The following PHGDH variants were observed in gnomAD, a reference collection of about 807,000 sequenced individuals.
The protein encoded by PHGDH is phosphoglycerate dehydrogenase.
In PHGDH, 50 loss-of-function variants were observed where a neutral mutation model predicts 52.6. The ratio of observed to expected loss-of-function variants is 0.95; its 90% CI spans 0.76 to 1.20. The LOEUF is 1.20. Ranked by LOEUF, PHGDH falls within the 50% of genes most tolerant of loss-of-function variation. PHGDH has a pLI of 0.00. For missense variants in PHGDH, 630 were observed against 684.6 expected (o/e 0.92, Z 0.89); for synonymous variants, 271 against 280.5 (o/e 0.97, Z 0.34).
rs772910115 is a variant in PHGDH at position 119,734,783 on chromosome 1, A to C, written c.643+17A>C. ...CCACGACAGGTAGGTGTGTCCTTACATTGTGGATTGGTCACAGAAGCCACA... is the reference window on the plus strand; with the variant it reads ...CCACGACAGGTAGGTGTGTCCTTACCTTGTGGATTGGTCACAGAAGCCACA... On this transcript the variant is annotated intron_variant, in intron 6 of 11. Coordinates refer to ENST00000641023, the MANE Select transcript of PHGDH (RefSeq NM_006623.4). The C allele has an allele frequency of 2.4e-5, 38 of 1,613,668 alleles. No individual in the cohort carries two copies. In the African/African-American group the frequency reaches 4.5e-4, roughly 19 times the overall value.
intron 6 of PHGDH, 127 bp from the exon 7 acceptor site, chr1:119,735,168 T>G (rs1557977247): frequency 8.0e-7 from 1 of 1,245,186 alleles, no homozygotes. Context: ...GCAAAGAGGC[T>G]GCCGTCCAGC....
At position 119,721,154 on chromosome 1, in the gene PHGDH, G is replaced by A; in HGVS notation, c.139-16G>A. The A allele has an allele frequency of 1.9e-6, 3 of 1,613,950 alleles. No individual in the cohort carries two copies. Among genetic ancestry groups the A allele is most frequent in the Non-Finnish European group, 2.5e-6 (3 of 1,179,806 alleles). On this transcript the variant is annotated splice_polypyrimidine_tract_variant and intron_variant, in intron 1 of 11. Transcript: ENST00000641023. Reference sequence around the variant, plus strand: ...ACAGAATGACTTTCTGGACCCAAATGTTTTTTCTGCTTCAGGACTGTGAAG... The same window carrying A: ...ACAGAATGACTTTCTGGACCCAAATATTTTTTCTGCTTCAGGACTGTGAAG...
intron 1 of PHGDH, among the ~76,000 whole-genome samples, chr1:119,714,777 G>T (rs1363001539): frequency 5.9e-5 from 9 of 152,160 alleles, no homozygotes; most frequent in Admixed American, 6.5e-5. Context: ...GGGGTGGAGG[G>T]CTGAGGCCCT....
chr1:119,734,861 C>A, intron 6 of PHGDH, 95 bp downstream of exon 6: 1 of 1,385,160 alleles, frequency 7.2e-7, no homozygotes, highest in Non-Finnish European at 1.0e-6. Flanking sequence ...CAGTGGTAAC[C>A]AGCTGTGGGG....
chr1:119,712,035 A>G lies in PHGDH; in HGVS notation c.13A>G (p.Asn5Asp), dbSNP rs745781701. Residue 5 changes from asparagine (N) to aspartate (D), a missense_variant, in exon 1 of 12, where the codon AAT becomes GAT. Transcript: ENST00000641023. MAFA[N>D]LRKVLISDSL... Reference sequence around the variant, plus strand: ...GCCAACTCCAGCAATGGCTTTTGCAAATCTGCGGAAAGTGCTCATCAGTGA... The same window carrying G: ...GCCAACTCCAGCAATGGCTTTTGCAGATCTGCGGAAAGTGCTCATCAGTGA... 3.1e-6 allele frequency: 5 copies of G among 1,614,176 alleles called. No individual in the cohort carries two copies. The highest frequency in any genetic ancestry group is 2.5e-6 in the Non-Finnish European group (3 of 1,180,030).
rs1342931945 is a variant in PHGDH at position 119,724,889 on chromosome 1, A to G, written c.356+1448A>G. Reference sequence around the variant, plus strand: ...CACTCATCAAAGGTGCATCAAAACTAGGAAACACGCACACCCTATTGGGAA... The same window carrying G: ...CACTCATCAAAGGTGCATCAAAACTGGGAAACACGCACACCCTATTGGGAA... On this transcript the variant is annotated intron_variant, in intron 3 of 11. Transcript: ENST00000641023. The G allele has an allele frequency of 1.5e-5, 7 of 456,678 alleles. 1 individual carries two copies. The highest frequency in any genetic ancestry group is 1.1e-4 in the South Asian group (7 of 64,560). 28.3% of individuals were successfully genotyped at this position (456,678 alleles called of 1,614,324 possible).
At chr1:119,735,015 C>A in intron 6 of PHGDH, 1 of 618,730 alleles carries the variant, frequency 1.6e-6, no homozygotes, top group East Asian at 2.8e-5. Context: ...ATGCTTTCTG[C>A]AGCCCCTGCA....
At chr1:119,721,890 A>G (rs1651184105) in intron 2 of PHGDH, among the ~76,000 whole-genome samples, 1 of 152,216 alleles carries the variant, frequency 6.6e-6, no homozygotes, top group African/African-American at 2.4e-5. Context: ...TCCCATTTAA[A>G]GCTGTTTCTG....
In PHGDH at chr1:119,739,086, G is replaced by T. The variant is rs1652071707; in HGVS notation, c.946-1300G>T. ...CCAGTTCAATTCTGTTCTAACCTCA[G>T]ACACAGAATAACATTAGGGTCAGGT... On this transcript the variant is annotated intron_variant, in intron 8 of 11. Coordinates refer to ENST00000641023, the MANE Select transcript of PHGDH (RefSeq NM_006623.4). Among the ~76,000 whole-genome samples the T allele has an allele frequency of 2.0e-5, 3 of 152,174 alleles. No homozygotes were observed. The South Asian group carries it at 6.2e-4, about 32-fold the overall frequency.
At chr1:119,714,009 T>C (rs1557963149) in intron 1 of PHGDH, among the ~76,000 whole-genome samples, 1 of 152,172 alleles carries the variant, frequency 6.6e-6, no homozygotes, top group African/African-American at 2.4e-5. Context: ...CTGAAAACTC[T>C]TGGCAGGAGA....
At chr1:119,719,986 G>T (rs981747541) in intron 1 of PHGDH, 1 of 152,202 alleles carries the variant, frequency 6.6e-6, no homozygotes, top group Admixed American at 6.5e-5. Context: ...GCAGACCTAG[G>T]ATTAGAACTC....
intron 5 of PHGDH, among the ~76,000 whole-genome samples, chr1:119,731,246 C>G (rs1470605730): frequency 6.6e-6 from 1 of 152,190 alleles, no homozygotes; most frequent in Non-Finnish European, 1.5e-5. Context: ...CTGCAGCCTA[C>G]CTGTGGTCTG....
At chr1:119,730,832 T>C (rs1651659212) in intron 5 of PHGDH, among the ~76,000 whole-genome samples, 2 of 152,124 alleles carry the variant, frequency 1.3e-5, no homozygotes, top group Admixed American at 1.3e-4. Flanking sequence ...TGGAGGGAGA[T>C]AGTATGCAAT....
chr1:119,735,750 A>G (rs925581224), intron 7 of PHGDH, among the ~76,000 whole-genome samples: 4 of 152,118 alleles, frequency 2.6e-5, no homozygotes, highest in African/African-American at 9.7e-5. Flanking sequence ...ATCAGTTCTG[A>G]AGTTGAGGGT....
chr1:119,742,709 G>A (rs1652266323), intron 10 of PHGDH, 98 bp from the exon 11 acceptor site: 2 of 779,666 alleles, frequency 2.6e-6, no homozygotes, highest in Non-Finnish European at 4.5e-6. Flanking sequence ...TATCCAGGCT[G>A]GAGCCCTACA....
intron 2 of PHGDH, 138 bp downstream of exon 2, chr1:119,721,459 C>T (rs1651162972): frequency 2.5e-6 from 2 of 795,780 alleles, no homozygotes; most frequent in Non-Finnish European, 4.0e-6. Flanking sequence ...GGTCTAGGGC[C>T]TGCATGGTCA....
At chr1:119,728,182 G>A (rs587593942) in intron 5 of PHGDH, among the ~76,000 whole-genome samples, 1 of 152,248 alleles carries the variant, frequency 6.6e-6, no homozygotes, top group Non-Finnish European at 1.5e-5. Context: ...GTTAGAATAT[G>A]AATACCGAGG....
At chr1:119,722,044 C>T (rs1226763631) in intron 2 of PHGDH, among the ~76,000 whole-genome samples, 1 of 152,246 alleles carries the variant, frequency 6.6e-6, no homozygotes, top group Admixed American at 6.5e-5. Context: ...GTCCTTAAGA[C>T]CTTTCCCCTC....
At chr1:119,722,234 G>A (rs1199921367) in intron 2 of PHGDH, among the ~76,000 whole-genome samples, 4 of 152,132 alleles carry the variant, frequency 2.6e-5, no homozygotes, top group Non-Finnish European at 5.9e-5. Flanking sequence ...TTTGCTGTGG[G>A]AGGATGAGAA....
Sources: gnomAD v4.1 joint callset for allele counts (sites outside exome capture counted in the v4.1 genomes callset) on GRCh38, gnomAD v4.1.1 for gene constraint, MANE v1.5 for transcripts, NCBI Gene and HGNC (gene_info 2026-07-23, HGNC 2026-07-21) for gene names.